RNF213: variants seen among roughly 807,000 people sequenced by gnomAD.
The protein encoded by RNF213 is E3 ubiquitin-protein ligase RNF213.
Under a neutral mutation model 514.4 loss-of-function variants are expected in RNF213, and 341 were observed. That is an observed-to-expected ratio of 0.66 (90% CI 0.61 to 0.73). The LOEUF is 0.73. Among genes scored for constraint, RNF213 ranks in the 30% least tolerant of loss-of-function variants. The probability of loss-of-function intolerance (pLI) is 0.00; values close to 1 mark genes in which losing one functional copy is unlikely to be tolerated. For missense variants in RNF213, 5,767 were observed against 6,615.6 expected (o/e 0.87, Z 4.45); for synonymous variants, 2,655 against 2,658.2 (o/e 1.00, Z 0.04).
chr17:80,344,511 T>C (rs946328687), intron 28 of RNF213, among the ~76,000 whole-genome samples, 167 bp from the exon 29 acceptor site: 8 of 152,222 alleles, frequency 5.3e-5, no homozygotes, highest in African/African-American at 1.9e-4. Context: ...CCTTACTTAA[T>C]GTGCAAAAGA....
chr17:80,374,923 A>G lies in RNF213; in HGVS notation c.13074+334A>G, dbSNP rs552536066. On this transcript the variant is annotated intron_variant, in intron 50 of 67. Coordinates refer to ENST00000582970, the MANE Select transcript of RNF213 (RefSeq NM_001256071.3). ...AAAACAGTCTAAGAAAGATGCTGACACAACTATTAATAGCAAAATTCATAC... is the reference window on the plus strand; with the variant it reads ...AAAACAGTCTAAGAAAGATGCTGACGCAACTATTAATAGCAAAATTCATAC... 26 of 350,550 alleles carry G rather than the reference A, an allele frequency of 7.4e-5. No individual in the cohort carries two copies. In the East Asian group the frequency reaches 1.6e-3, roughly 22 times the overall value. The allele number at this position is 350,550 out of a possible 1,614,324, so 21.7% of individuals were successfully genotyped here.
chr17:80,371,725 C>A (rs2079524046), intron 46 of RNF213, 149 bp from the exon 47 acceptor site: 2 of 597,220 alleles, frequency 3.3e-6, no homozygotes, highest in East Asian at 2.9e-5. Context: ...AAAAGGTTTT[C>A]CATAAAATCT....
chr17:80,289,842 G>A lies in RNF213; in HGVS notation c.1112+5G>A. On this transcript the variant is annotated splice_donor_5th_base_variant and intron_variant, in intron 6 of 67. Coordinates refer to ENST00000582970, the MANE Select transcript of RNF213 (RefSeq NM_001256071.3). The stretch of plus-strand genomic sequence containing the variant: ...TGTCCAGGAAGTGAAGGCAAGGTAG[G>A]GATGCCCCCGCAGGGGAGCAAAGGA... 6.2e-7 allele frequency: 1 copy of A among 1,605,810 alleles called. No homozygotes were observed. The highest frequency in any genetic ancestry group is 8.5e-7 in the Non-Finnish European group (1 of 1,176,506).
In RNF213 at chr17:80,325,208, C is replaced by A. The variant is rs1343239811; in HGVS notation, c.3193+10C>A. The A allele has an allele frequency of 6.6e-7, 1 of 1,525,506 alleles. No individual in the cohort carries two copies. The highest frequency in any genetic ancestry group is 8.8e-7 in the Non-Finnish European group (1 of 1,138,458). The allele number at this position is 1,525,506 out of a possible 1,614,324, so 94.5% of individuals were successfully genotyped here. On this transcript the variant is annotated intron_variant, in intron 18 of 67. Coordinates refer to ENST00000582970, the MANE Select transcript of RNF213 (RefSeq NM_001256071.3). ...GTCTTCAGATTGTGTGGTATGTTTGCGGGAGTGCTGGGAACATCAGCTCAG... is the reference window on the plus strand; with the variant it reads ...GTCTTCAGATTGTGTGGTATGTTTGAGGGAGTGCTGGGAACATCAGCTCAG...
In RNF213 at chr17:80,369,634, C is replaced by T. The variant is rs566949148; in HGVS notation, c.12288C>T (p.Leu4096=). 12 of 1,614,254 alleles carry T rather than the reference C, an allele frequency of 7.4e-6. No homozygotes were observed. Among genetic ancestry groups the T allele is most frequent in the Middle Eastern group, 1.6e-4 (1 of 6,062 alleles). ...TGATTGAGAGCCTGCTCTCTCTCCT[C>T]TTCGTCCAAAAGGGGCGCTTAAGAG... is the stretch of plus-strand genomic sequence containing the variant. The part of the protein sequence containing the change: ...KEVIESLLSL[L]FVQKGRLRDA... The change falls in exon 45 of 68, where the codon CTC becomes CTT. Residue 4096 remains leucine (L), a synonymous_variant. Coordinates refer to ENST00000582970, the MANE Select transcript of RNF213 (RefSeq NM_001256071.3).
intron 37 of RNF213, 53 bp downstream of exon 37, chr17:80,358,532 G>C: frequency 2.6e-6 from 4 of 1,519,296 alleles, no homozygotes; most frequent in Non-Finnish European, 3.7e-6. Flanking sequence ...AACACAGCAG[G>C]ACCCTAATAT....
intron 23 of RNF213, chr17:80,336,841 C>T (rs1394054104): frequency 6.3e-6 from 2 of 317,912 alleles, no homozygotes; most frequent in Admixed American, 4.6e-5. Context: ...GCAGAGATAG[C>T]AGTGAACTGA....
chr17:80,362,676 G>A (rs1299044076), intron 39 of RNF213, among the ~76,000 whole-genome samples: 2 of 152,236 alleles, frequency 1.3e-5, no homozygotes, highest in East Asian at 3.8e-4. Context: ...GATCTGAACT[G>A]CTGACTCTGT....
intron 23 of RNF213, among the ~76,000 whole-genome samples, chr17:80,337,341 G>A (rs776456773): frequency 1.2e-4 from 19 of 152,198 alleles, no homozygotes; most frequent in Admixed American, 7.2e-4. Context: ...TGTGCCAGCC[G>A]GGGCACCAGG....
At chr17:80,336,652 G>A (rs2077995549) in intron 23 of RNF213, 1 of 451,374 alleles carries the variant, frequency 2.2e-6, no homozygotes, top group Non-Finnish European at 4.1e-6. Flanking sequence ...AACGTTGCCA[G>A]GAGTTTTCTC....
At chr17:80,289,949 T>A (rs879345957) in intron 6 of RNF213, 112 bp downstream of exon 6, 2 of 1,242,820 alleles carry the variant, frequency 1.6e-6, no homozygotes, top group South Asian at 1.3e-5. Context: ...TCAGCTGTTT[T>A]GGCAAGTTTA....
At chr17:80,301,389 C>T (rs1474606057) in intron 11 of RNF213, among the ~76,000 whole-genome samples, 3 of 151,632 alleles carry the variant, frequency 2.0e-5, no homozygotes, top group Non-Finnish European at 4.4e-5. Flanking sequence ...AGACAGTCCA[C>T]GGAATGGGAG....
chr17:80,295,519 T>C, intron 9 of RNF213, 38 bp from the exon 10 acceptor site: 1 of 1,613,306 alleles, frequency 6.2e-7, no homozygotes, highest in South Asian at 1.1e-5. Context: ...TGAATTCAAG[T>C]CCATGGTTCA....
intron 67 of RNF213, among the ~76,000 whole-genome samples, chr17:80,391,304 A>G (rs1311673920): frequency 1.3e-5 from 2 of 151,768 alleles, no homozygotes; most frequent in Admixed American, 1.3e-4. Flanking sequence ...ACCGTGTCTC[A>G]CTCCCACCCA....
rs749152414 is a variant in RNF213, at chr17:80,368,075, G to A, written c.12087G>A (p.Gln4029=). The change falls in exon 44 of 68, where the codon CAG becomes CAA. Residue 4029 remains glutamine, a synonymous_variant. Transcript: ENST00000582970. ...TCAGGGCCTGGTTTGCCTCAGAGCA[G>A]ATGATATGCCCCTACTGTTTAACTG... ...RCLRAWFASE[Q]MICPYCLTAL... 3.7e-6 allele frequency: 6 copies of A among 1,614,170 alleles called. No individual in the cohort carries two copies. In the Admixed American group the frequency reaches 8.3e-5, roughly 22 times the overall value.
chr17:80,307,398 C>T (rs1193602502), intron 13 of RNF213, among the ~76,000 whole-genome samples, 197 bp downstream of exon 13: 5 of 132,456 alleles, frequency 3.8e-5, no homozygotes, highest in African/African-American at 1.2e-4. Flanking sequence ...GAGTCTTACT[C>T]TGTTGCCCAG....
chr17:80,310,186 G>C (rs903008978), intron 14 of RNF213, among the ~76,000 whole-genome samples: 8 of 152,138 alleles, frequency 5.3e-5, no homozygotes, highest in African/African-American at 1.9e-4. Flanking sequence ...TCTCTGTGCA[G>C]TTTTCACCCA....
At chr17:80,274,208 CAGGTTACCCTTCTTGGA>C (rs1188964507) in intron 3 of RNF213, among the ~76,000 whole-genome samples, 1 of 151,986 alleles carries the variant, frequency 6.6e-6, no homozygotes, top group African/African-American at 2.4e-5. Flanking sequence ...TGCTGGCTGG[CAGGTTACCCTTCTTGGA>C]AGGGTATGGC....
At chr17:80,319,090 A>G in intron 16 of RNF213, 100 bp from the exon 17 acceptor site, 1 of 1,609,082 alleles carries the variant, frequency 6.2e-7, no homozygotes, top group Non-Finnish European at 8.5e-7. Context: ...GAAACAGTAA[A>G]ACAGCAGGAA....
Sources: gnomAD v4.1 joint callset for allele counts (sites outside exome capture counted in the v4.1 genomes callset) on GRCh38, gnomAD v4.1.1 for gene constraint, MANE v1.5 for transcripts, NCBI Gene and HGNC (gene_info 2026-07-23, HGNC 2026-07-21) for gene names.